HMG20A: variants seen among roughly 807,000 people sequenced by gnomAD.
The protein encoded by HMG20A is high mobility group protein 20A.
Under a neutral mutation model 43.9 loss-of-function variants are expected in HMG20A, and 17 were observed. The ratio of observed to expected loss-of-function variants is 0.39; its 90% CI spans 0.27 to 0.58. The LOEUF (loss-of-function observed/expected upper bound fraction) is 0.58. HMG20A is among the 20% of genes least tolerant of loss of function. HMG20A has a pLI of 0.59. For missense variants in HMG20A, 341 were observed against 438.2 expected, an observed-to-expected ratio of 0.78 and a Z score of 1.98; for synonymous variants, 132 against 147.5, an observed-to-expected ratio of 0.89 and a Z score of 0.76.
chr15:77,489,764 T>C (rs1381769091), downstream of HMG20A, among the ~76,000 whole-genome samples: 5 of 152,190 alleles, frequency 3.3e-5, no homozygotes, highest in East Asian at 1.9e-4. Context: ...GCTGAAATCC[T>C]GAGGCAGGAA....
chr15:77,423,099 T>C (rs1458706300), intron 1 of HMG20A, among the ~76,000 whole-genome samples: 1 of 152,174 alleles, frequency 6.6e-6, no homozygotes, highest in African/African-American at 2.4e-5. Context: ...AATTGGTCTT[T>C]ATGGTACTCC....
At chr15:77,425,146 G>T (rs1357615734) in intron 1 of HMG20A, among the ~76,000 whole-genome samples, 2 of 152,086 alleles carry the variant, frequency 1.3e-5, no homozygotes, top group Admixed American at 6.5e-5. Context: ...CTCCCAAACT[G>T]TACACGTTCT....
intron 1 of HMG20A, among the ~76,000 whole-genome samples, chr15:77,435,713 C>T (rs2073539515): frequency 6.6e-6 from 1 of 152,160 alleles, no homozygotes; most frequent in South Asian, 2.1e-4. Flanking sequence ...TTCTACCCCA[C>T]CATTCCATCA....
chr15:77,438,374 ATAT>A (rs781468547), intron 1 of HMG20A, among the ~76,000 whole-genome samples: 2 of 152,112 alleles, frequency 1.3e-5, no homozygotes, highest in Non-Finnish European at 2.9e-5. Flanking sequence ...TTGTTTGTAA[ATAT>A]TATTAACTAT....
At chr15:77,509,253 C>CATCTTTCTTTCTTTCTCTTTT in the HMG20A span, among the ~76,000 whole-genome samples, 4 of 151,780 alleles carry the variant, frequency 2.6e-5, no homozygotes, top group African/African-American at 9.7e-5. Context: ...CTTTCTCTTT[C>CATCTTTCTTTCTTTCTCTTTT]ATCTTTCTTT....
downstream of HMG20A, among the ~76,000 whole-genome samples, chr15:77,487,460 CT>C (rs928782998): frequency 6.6e-6 from 1 of 152,164 alleles, no homozygotes; most frequent in South Asian, 2.1e-4. Flanking sequence ...TTCCGTGATA[CT>C]TTTTTCCCCC....
intron 7 of HMG20A, 39 bp from the exon 8 acceptor site, chr15:77,478,253 CCTT>C (rs770983941): frequency 5.0e-6 from 8 of 1,598,712 alleles, no homozygotes; most frequent in African/African-American, 2.7e-5. Flanking sequence ...CTCAGAGACT[CCTT>C]CTAGTGCTGC....
chr15:77,456,192 G>A (rs968810693), intron 1 of HMG20A, among the ~76,000 whole-genome samples: 30 of 152,078 alleles, frequency 2.0e-4, no homozygotes, highest in African/African-American at 6.3e-4. Context: ...GCCTCCCCAC[G>A]TTTCAGAAAT....
At chr15:77,454,669 C>G (rs2072637973) in intron 1 of HMG20A, among the ~76,000 whole-genome samples, 1 of 151,996 alleles carries the variant, frequency 6.6e-6, no homozygotes, top group African/African-American at 2.4e-5. Context: ...TGATCTACTT[C>G]TAGTGTATAG....
chr15:77,488,668 G>A (rs1314073116), downstream of HMG20A, among the ~76,000 whole-genome samples: 1 of 152,172 alleles, frequency 6.6e-6, no homozygotes, highest in Non-Finnish European at 1.5e-5. Flanking sequence ...TAGCTGGAAG[G>A]TCAGAACATT....
In HMG20A at chr15:77,446,230, T is replaced by C. The variant is rs111866742; in HGVS notation, c.-4-12174T>C. On this transcript the variant is annotated intron_variant, in intron 1 of 9. Coordinates refer to ENST00000336216, the MANE Select transcript of HMG20A (RefSeq NM_001304504.2). Reference sequence around the variant, plus strand: ...TTACCTAACCCATTCAATTCTTCTTTCTCTGTTTTTCTCATATATTTGAAT... The same window carrying C: ...TTACCTAACCCATTCAATTCTTCTTCCTCTGTTTTTCTCATATATTTGAAT... Among the ~76,000 whole-genome samples, 1,153 of 152,242 alleles carry C rather than the reference T, an allele frequency of 7.6e-3. 15 individuals are homozygous for C. The highest frequency in any genetic ancestry group is 0.026 in the African/African-American group (1,100 of 41,528).
chr15:77,443,706 T>TTTA (rs201807809), intron 1 of HMG20A, among the ~76,000 whole-genome samples: 17 of 149,892 alleles, frequency 1.1e-4, no homozygotes, highest in Admixed American at 3.3e-4. Context: ...TATGTATTTA[T>TTTA]TTATTATTAT....
chr15:77,423,034 G>A (rs1244001131), intron 1 of HMG20A, among the ~76,000 whole-genome samples: 1 of 152,160 alleles, frequency 6.6e-6, no homozygotes, highest in Non-Finnish European at 1.5e-5. Context: ...AGAATATCAT[G>A]TTAAAATACT....
chr15:77,497,774 G>C, the HMG20A span, among the ~76,000 whole-genome samples: 1 of 151,792 alleles, frequency 6.6e-6, no homozygotes, highest in East Asian at 1.9e-4. Context: ...ACTATACTTG[G>C]ACAGCCTTTC....
At chr15:77,514,821 G>A in the HMG20A span, among the ~76,000 whole-genome samples, 2 of 152,236 alleles carry the variant, frequency 1.3e-5, no homozygotes, top group Non-Finnish European at 2.9e-5. Context: ...GGGGCAGGCA[G>A]ACCAGTCATG....
intron 1 of HMG20A, among the ~76,000 whole-genome samples, chr15:77,427,523 A>T (rs1247481005): frequency 2.0e-5 from 3 of 152,206 alleles, no homozygotes; most frequent in Non-Finnish European, 4.4e-5. Context: ...ATATTTGGCT[A>T]GTTGAACACA....
intron 1 of HMG20A, among the ~76,000 whole-genome samples, chr15:77,427,045 CTT>C (rs1332684207): frequency 6.6e-6 from 1 of 152,016 alleles, no homozygotes; most frequent in Non-Finnish European, 1.5e-5. Context: ...GGTATATGGT[CTT>C]TTTGGTTTCT....
the HMG20A span, among the ~76,000 whole-genome samples, chr15:77,496,000 C>T: frequency 6.6e-6 from 1 of 152,182 alleles, no homozygotes; most frequent in East Asian, 1.9e-4. Flanking sequence ...CTTCTGGCTT[C>T]CTCTTGCAAT....
At chr15:77,424,615 A>G (rs1377773065) in intron 1 of HMG20A, among the ~76,000 whole-genome samples, 1 of 152,144 alleles carries the variant, frequency 6.6e-6, no homozygotes, top group African/African-American at 2.4e-5. Flanking sequence ...GTCTGTTTTA[A>G]GCTTTACATT....
Sources: gnomAD v4.1 joint callset for allele counts (sites outside exome capture counted in the v4.1 genomes callset) on GRCh38, gnomAD v4.1.1 for gene constraint, MANE v1.5 for transcripts, NCBI Gene and HGNC (gene_info 2026-07-23, HGNC 2026-07-21) for gene names.